Variants in DYSF observed in about 807,000 individuals in gnomAD.
DYSF encodes dysferlin, also known as dystrophy-associated fer-1-like 1.
Under a neutral mutation model 274.9 loss-of-function variants are expected in DYSF, and 212 were observed. That is an observed-to-expected ratio of 0.77 (90% CI 0.69 to 0.86). The LOEUF is 0.86. Ranked by LOEUF, DYSF falls within the 40% of genes least tolerant of loss-of-function variation. The probability of loss-of-function intolerance (pLI) is 0.00; values close to 1 mark genes in which losing one functional copy is unlikely to be tolerated. For missense variants in DYSF, 2,666 were observed against 2,783.2 expected (o/e 0.96, Z 0.95); for synonymous variants, 1,091 against 1,078.7 (o/e 1.01, Z -0.22).
chr2:71,489,888 C>T (rs1230003342), intron 3 of DYSF, among the ~76,000 whole-genome samples: 44 of 152,190 alleles, frequency 2.9e-4, no homozygotes, highest in Admixed American at 2.9e-3. Context: ...CTCTCTGAAA[C>T]CGTTTCCTCA....
At position 71,570,579 on chromosome 2, in the gene DYSF, AC is replaced by A. The variant is rs752573450; in HGVS notation, c.3086-18del. 1 of 1,612,662 alleles carries A rather than the reference AC, an allele frequency of 6.2e-7. No homozygotes were observed. The highest frequency in any genetic ancestry group is 1.1e-5 in the South Asian group (1 of 90,808). On this transcript the variant is annotated intron_variant, in intron 28 of 55. Transcript: ENST00000410020. ...GGGGGGAACTGCCAAGCAATGAGTG[AC>A]CGGTTCCCCCTCCCCCAGGCTGGGA... is the stretch of plus-strand genomic sequence containing the variant.
At chr2:71,602,580 T>G in intron 35 of DYSF, 196 bp from the exon 36 acceptor site, 3 of 579,450 alleles carry the variant, frequency 5.2e-6, no homozygotes, top group Non-Finnish European at 6.4e-6. Context: ...AGGGACCACT[T>G]TAGGGGCGTG....
At chr2:71,611,753 G>A (rs2093767924) in intron 38 of DYSF, 127 bp downstream of exon 38, 5 of 1,240,070 alleles carry the variant, frequency 4.0e-6, no homozygotes, top group Non-Finnish European at 5.7e-6. Flanking sequence ...TCACTTTCCT[G>A]TGAACATGGG....
intron 30 of DYSF, among the ~76,000 whole-genome samples, chr2:71,575,035 ATC>A (rs1170403135): frequency 1.3e-5 from 2 of 152,018 alleles, no homozygotes; most frequent in East Asian, 3.9e-4. Flanking sequence ...TCCCTCTGAA[ATC>A]CAGCCAGGAC....
At chr2:71,460,624 G>T (rs2081244997) in intron 1 of DYSF, among the ~76,000 whole-genome samples, 1 of 152,194 alleles carries the variant, frequency 6.6e-6, no homozygotes, top group African/African-American at 2.4e-5. Context: ...TATCTGATTA[G>T]GGAGAAGTCC....
rs573681232 is a variant in DYSF, at chr2:71,571,414, A to G, written c.3228+673A>G. 1.2e-3 allele frequency among the ~76,000 whole-genome samples: 173 copies of G among 143,450 alleles called. 2 individuals carry two copies. The highest frequency in any genetic ancestry group is 3.0e-3 in the Admixed American group (43 of 14,436). The allele number at this position is 143,450 out of a possible 152,430, so 94.1% of individuals were successfully genotyped here. A position where few individuals can be genotyped will look rare whatever the true frequency, so the allele number is the denominator to read the frequency against. ...CACACACAGATCACACCCAGCACAC[A>G]CAGATCACAGTCAGCACACACAGAT... On this transcript the variant is annotated intron_variant, in intron 29 of 55. Transcript: ENST00000410020.
At chr2:71,623,688 A>G (rs1282547259) in intron 41 of DYSF, among the ~76,000 whole-genome samples, 1 of 152,142 alleles carries the variant, frequency 6.6e-6, no homozygotes. Flanking sequence ...CAAAAAAAAA[A>G]TCTGAGTGTA....
rs759939755 is a variant in DYSF, at chr2:71,612,808, T to C, written c.4387+2T>C. On this transcript the variant is annotated splice_donor_variant, in intron 39 of 55. Transcript: ENST00000410020. LOFTEE classifies it high-confidence loss of function. The stretch of plus-strand genomic sequence containing the variant: ...GTCCATCCCCACAGGGTGGCCCAGG[T>C]AGGGGAAGGGGAGATGATGGGCAGG... The C allele has an allele frequency of 6.2e-6, 10 of 1,610,666 alleles. No homozygotes were observed. In the South Asian group the frequency reaches 1.1e-4, roughly 18 times the overall value.
chr2:71,656,494 G>A (rs1169443766), intron 43 of DYSF, among the ~76,000 whole-genome samples: 2 of 152,194 alleles, frequency 1.3e-5, no homozygotes, highest in Non-Finnish European at 2.9e-5. Flanking sequence ...GATCTCAGTG[G>A]TGGTGACTCT....
intron 45 of DYSF, among the ~76,000 whole-genome samples, chr2:71,663,045 G>A (rs558322984): frequency 4.2e-5 from 6 of 143,224 alleles, no homozygotes; most frequent in East Asian, 4.1e-4. Flanking sequence ...GTGTGTGCGC[G>A]CACGCGCGTG....
chr2:71,604,405 G>T (rs969050580), intron 36 of DYSF, among the ~76,000 whole-genome samples: 3 of 152,220 alleles, frequency 2.0e-5, no homozygotes, highest in Non-Finnish European at 4.4e-5. Flanking sequence ...CTCCTGCCTT[G>T]TATCTCCCAT....
intron 26 of DYSF, among the ~76,000 whole-genome samples, chr2:71,569,455 T>C (rs1188285284): frequency 6.6e-6 from 1 of 152,214 alleles, no homozygotes; most frequent in East Asian, 1.9e-4. Flanking sequence ...TTAAAAAAAT[T>C]GAAGTATAAC....
rs749405808 is a variant in DYSF at position 71,590,222 on chromosome 2, T to C, written c.3508T>C (p.Tyr1170His). 6.2e-6 allele frequency: 10 copies of C among 1,614,080 alleles called. No homozygotes were observed. The highest frequency in any genetic ancestry group is 8.5e-6 in the Non-Finnish European group (10 of 1,180,008). ...TTCCCTTGGTGAAGATGGGAACCGC[T>C]ACCATCTACGCTGCTACATGTACCA... ...ISCIFDYGNR[Y>H]HLRCYMYQAR... The change falls in exon 32 of 56, where the codon TAC becomes CAC. Residue 1170 changes from tyrosine (Y) to histidine (H), a missense_variant. By Grantham distance (83) the Tyr-to-His change is moderately conservative. This residue lies in a region of DYSF where 1,460 missense variants were observed against 1,502.1 expected (regional missense o/e 0.97). Coordinates refer to ENST00000410020, the MANE Select transcript of DYSF (RefSeq NM_001130987.2).
intron 4 of DYSF, among the ~76,000 whole-genome samples, 155 bp from the exon 5 acceptor site, chr2:71,511,652 G>A (rs976877787): frequency 6.6e-6 from 1 of 152,202 alleles, no homozygotes; most frequent in African/African-American, 2.4e-5. Flanking sequence ...ATGCTGATAG[G>A]TCCCTTGGGG....
chr2:71,485,584 G>A (rs1489179599), intron 3 of DYSF, among the ~76,000 whole-genome samples: 1 of 152,080 alleles, frequency 6.6e-6, no homozygotes, highest in African/African-American at 2.4e-5. Flanking sequence ...ATGCCTCAGG[G>A]GAGGGAGCAC....
chr2:71,552,896 C>G, intron 19 of DYSF, 115 bp from the exon 20 acceptor site: 1 of 1,056,238 alleles, frequency 9.5e-7, no homozygotes, highest in Non-Finnish European at 1.4e-6. Context: ...TCAGTCCAGC[C>G]AGGAGCTATT....
At chr2:71,674,147 C>T (rs745516840) in intron 51 of DYSF, 50 bp from the exon 52 acceptor site, 2 of 1,562,100 alleles carry the variant, frequency 1.3e-6, no homozygotes, top group Admixed American at 3.3e-5. Context: ...AACACTGCCT[C>T]TCTCTAACCT....
rs1397924873 is a variant in DYSF, at chr2:71,516,170, G to A, written c.889-10G>A. ...GCACTGATATGTCTCTCTTTGCTCT[G>A]AACCAACAGACTCTTTTCTTCAACT... On this transcript the variant is annotated splice_polypyrimidine_tract_variant and intron_variant, in intron 8 of 55. Transcript: ENST00000410020. The A allele has an allele frequency of 1.2e-6, 2 of 1,614,162 alleles. No homozygotes were observed. Among genetic ancestry groups the A allele is most frequent in the Non-Finnish European group, 1.7e-6 (2 of 1,180,012 alleles).
intron 26 of DYSF, 135 bp downstream of exon 26, chr2:71,568,473 G>C: frequency 8.2e-7 from 1 of 1,216,288 alleles, no homozygotes; most frequent in Non-Finnish European, 1.2e-6. Flanking sequence ...AACTTCCGCT[G>C]AACTCTCCCA....
Sources: gnomAD v4.1 joint callset for allele counts (sites outside exome capture counted in the v4.1 genomes callset) on GRCh38, gnomAD v4.1.1 for gene constraint, gnomAD v4.1.1 regional missense constraint, MANE v1.5 for transcripts, NCBI Gene and HGNC (gene_info 2026-07-23, HGNC 2026-07-21) for gene names.